The following P2RX5 variants were observed in gnomAD, a reference collection of about 807,000 sequenced individuals.
P2RX5 encodes the protein P2X purinoceptor 5.
Under a neutral mutation model 54.1 loss-of-function variants are expected in P2RX5, and 46 were observed. The observed-to-expected ratio is 0.85, with a 90% confidence interval of 0.67 to 1.09. The LOEUF (loss-of-function observed/expected upper bound fraction) is 1.09, where lower values mean the gene tolerates loss of function less well. P2RX5 is among the 50% of genes least tolerant of loss of function. The probability of loss-of-function intolerance (pLI) is 0.00; values close to 1 mark genes in which losing one functional copy is unlikely to be tolerated. For synonymous variants in P2RX5, 226 were observed against 226.4 expected (o/e 1.00, Z 0.02); for missense variants, 566 against 549.8 (o/e 1.03, Z -0.29).
intron 1 of P2RX5, among the ~76,000 whole-genome samples, chr17:3,695,022 G>T (rs918599703): frequency 6.6e-6 from 1 of 152,116 alleles, no homozygotes; most frequent in Non-Finnish European, 1.5e-5. Context: ...CTCAGAGAAC[G>T]CGGACTGCTG....
At chr17:3,721,948 G>C in the P2RX5 span, 1 of 152,324 alleles carries the variant, frequency 6.6e-6, no homozygotes, top group East Asian at 1.9e-4. Flanking sequence ...GGGAGGCCAA[G>C]GAGGGCGGAT....
chr17:3,719,727 A>T, the P2RX5 span, among the ~76,000 whole-genome samples: 3 of 151,708 alleles, frequency 2.0e-5, 1 homozygote, highest in South Asian at 4.1e-4. Flanking sequence ...TTCATTTTTT[A>T]TTTATTTATT....
rs368779859 is a variant in P2RX5, at chr17:3,673,826, C to A, written c.*42G>T. ...AGGCATGGGATCACTGGGTGCTAGA[C>A]GGCTGGGTTTAGGACAGGGCCTGAA... On this transcript the variant is annotated 3_prime_UTR_variant, in exon 12 of 12. Transcript: ENST00000225328. The A allele has an allele frequency of 1.6e-5, 26 of 1,612,510 alleles. No homozygotes were observed. Among genetic ancestry groups the A allele is most frequent in the African/African-American group, 2.7e-5 (2 of 74,868 alleles).
At chr17:3,675,778 C>T (rs912602232) in intron 11 of P2RX5, 22 of 843,892 alleles carry the variant, frequency 2.6e-5, no homozygotes, top group Non-Finnish European at 3.1e-5. Context: ...GTCTCGAACT[C>T]CTGACCTCGT....
chr17:3,701,560 C>T, the P2RX5 span, among the ~76,000 whole-genome samples: 3 of 151,850 alleles, frequency 2.0e-5, no homozygotes, highest in African/African-American at 7.3e-5. Flanking sequence ...GTCATGGTGG[C>T]GCATGCCTGT....
At chr17:3,707,173 C>T in the P2RX5 span, among the ~76,000 whole-genome samples, 146 of 152,148 alleles carry the variant, frequency 9.6e-4, 2 homozygotes, top group East Asian at 0.021. Context: ...CGGGGCAAAA[C>T]AAGCAGAGGA....
the P2RX5 span, chr17:3,720,584 CTTTTT>C: frequency 1.0e-4 from 33 of 321,382 alleles, no homozygotes; most frequent in African/African-American, 1.9e-4. Flanking sequence ...CTTCAACTTC[CTTTTT>C]TTTTTTTTTT....
At chr17:3,713,023 C>T in the P2RX5 span, among the ~76,000 whole-genome samples, 3 of 100,972 alleles carry the variant, frequency 3.0e-5, no homozygotes, top group Non-Finnish European at 6.2e-5. Flanking sequence ...AGTGCAAACT[C>T]TAAACAGTCG....
At chr17:3,702,287 A>G in the P2RX5 span, among the ~76,000 whole-genome samples, 1 of 144,554 alleles carries the variant, frequency 6.9e-6, no homozygotes, top group Non-Finnish European at 1.6e-5. Flanking sequence ...GTAAAAGCGC[A>G]CCAATCAGCA....
chr17:3,701,712 AAAAAAAAG>A, the P2RX5 span, among the ~76,000 whole-genome samples: 1 of 148,778 alleles, frequency 6.7e-6, no homozygotes, highest in Non-Finnish European at 1.5e-5. Context: ...AAAAAAAAAA[AAAAAAAAG>A]GAACTTCTAA....
chr17:3,709,847 T>G, the P2RX5 span, among the ~76,000 whole-genome samples: 5 of 152,284 alleles, frequency 3.3e-5, no homozygotes, highest in South Asian at 1.0e-3. Context: ...AGGCGGAGTT[T>G]GCAGTAAGCC....
rs193255164 is a variant in P2RX5 at position 3,691,272 on chromosome 17, G to A, written c.289-245C>T. 4.1e-4 allele frequency among the ~76,000 whole-genome samples: 62 copies of A among 152,348 alleles called. No individual in the cohort carries two copies. In the East Asian group the frequency reaches 5.4e-3, roughly 13 times the overall value. Reference sequence around the variant, plus strand: ...AGGATCCGGGAGAAGTGGGCGCAGGGCTCAGGCTGCCCTGGCCCTGGCCAA... The same window carrying A: ...AGGATCCGGGAGAAGTGGGCGCAGGACTCAGGCTGCCCTGGCCCTGGCCAA... On this transcript the variant is annotated intron_variant, in intron 2 of 11. Coordinates refer to ENST00000225328, the MANE Select transcript of P2RX5 (RefSeq NM_002561.4).
chr17:3,704,072 A>G, the P2RX5 span, among the ~76,000 whole-genome samples: 15,370 of 151,884 alleles, frequency 0.1, 852 homozygotes, highest in Middle Eastern at 0.16. Context: ...ATTGCACTCC[A>G]GCCTCGGCAA....
intron 10 of P2RX5, among the ~76,000 whole-genome samples, chr17:3,681,581 C>T (rs936273412): frequency 6.6e-6 from 1 of 152,256 alleles, no homozygotes; most frequent in African/African-American, 2.4e-5. Context: ...GCAGACACCA[C>T]TCGATTGGTA....
At chr17:3,682,008 C>A (rs1336558800) in intron 9 of P2RX5, 30 bp from the exon 10 acceptor site, 3 of 1,492,060 alleles carry the variant, frequency 2.0e-6, no homozygotes, top group African/African-American at 1.4e-5. Flanking sequence ...GATTCAGAAT[C>A]CTAGACCTCT....
In P2RX5 at chr17:3,691,723, A is replaced by T. The variant is rs774786781; in HGVS notation, c.209T>A (p.Val70Asp). 1.2e-6 allele frequency: 2 copies of T among 1,614,180 alleles called. No homozygotes were observed. The highest frequency in any genetic ancestry group is 4.5e-5 in the East Asian group (2 of 44,876). Residue 70 changes from valine to aspartate, a missense_variant, in exon 2 of 12, where the codon GTC becomes GAC. By Grantham distance (152) the Val-to-Asp change is radical. Coordinates refer to ENST00000225328, the MANE Select transcript of P2RX5 (RefSeq NM_002561.4). ...GGTGTTGGTGAAGGCCACGCCCTTG[A>T]CTTTGGTGATGACAGCACTCTGCAG... is the stretch of plus-strand genomic sequence containing the variant. ...TSLQSAVITK[V>D]KGVAFTNTSD...
chr17:3,699,677 C>G (rs1254153599), upstream of P2RX5, among the ~76,000 whole-genome samples: 1 of 150,732 alleles, frequency 6.6e-6, no homozygotes, highest in Non-Finnish European at 1.5e-5. Flanking sequence ...TGGTGGCACA[C>G]GCCTATAGTC....
chr17:3,698,426 G>A (rs1004136397), upstream of P2RX5, among the ~76,000 whole-genome samples: 3 of 152,156 alleles, frequency 2.0e-5, no homozygotes, highest in African/African-American at 7.2e-5. Context: ...TTTTGTTCCA[G>A]GGCCTGTTTG....
intron 1 of P2RX5, 46 bp downstream of exon 1, chr17:3,695,823 C>A (rs769826529): frequency 2.3e-5 from 37 of 1,589,380 alleles, no homozygotes; most frequent in Admixed American, 3.3e-5. Context: ...GGCTGGCACC[C>A]GCCCTGCCCC....
Sources: allele counts gnomAD v4.1 joint callset (sites outside exome capture counted in the v4.1 genomes callset), GRCh38; gene constraint gnomAD v4.1.1; transcripts MANE v1.5; gene names NCBI Gene and HGNC (gene_info 2026-07-23, HGNC 2026-07-21).